The following ARHGAP29 variants were observed in gnomAD, a reference collection of about 807,000 sequenced individuals.
ARHGAP29 encodes the protein rho GTPase-activating protein 29.
In ARHGAP29, 43 loss-of-function variants were observed where a neutral mutation model predicts 122.6. That is an observed-to-expected ratio of 0.35 (90% CI 0.27 to 0.45). The LOEUF (loss-of-function observed/expected upper bound fraction) is 0.45, where lower values mean the gene tolerates loss of function less well. Among genes scored for constraint, ARHGAP29 ranks in the 20% least tolerant of loss-of-function variants. The pLI, the probability that ARHGAP29 is intolerant of heterozygous loss-of-function variation, is 1.00. For missense variants in ARHGAP29, 1,303 were observed against 1,477.2 expected (o/e 0.88, Z 1.93); for synonymous variants, 506 against 497.1 (o/e 1.02, Z -0.24).
At chr1:94,254,543 CA>C (rs1160329589) in intron 1 of ARHGAP29, among the ~76,000 whole-genome samples, 2 of 152,164 alleles carry the variant, frequency 1.3e-5, no homozygotes. Flanking sequence ...TACTGCTTGG[CA>C]ATCTGACTTC....
At chr1:94,247,704 C>CACCACCACT (rs933161937) in intron 1 of ARHGAP29, among the ~76,000 whole-genome samples, 1 of 140,504 alleles carries the variant, frequency 7.1e-6, no homozygotes, top group African/African-American at 3.1e-5. Flanking sequence ...CAGCCACAGA[C>CACCACCACT]ACCACCACCA....
intron 1 of ARHGAP29, among the ~76,000 whole-genome samples, chr1:94,272,000 G>T (rs1655011059): frequency 6.6e-6 from 1 of 152,106 alleles, no homozygotes; most frequent in East Asian, 1.9e-4. Flanking sequence ...TAGACAATGG[G>T]GGCAGGGATG....
Position 94,236,530 on chromosome 1 carries a change from G to C in ARHGAP29, c.-33+885C>G, listed in dbSNP as rs545316576. ...AGAAGGGAAGGAGAGCTCAGCTCCT[G>C]CCATTAGCAGGTAATATCCTGCCCT... On this transcript the variant is annotated intron_variant, in intron 1 of 22. Transcript: ENST00000260526. Among the ~76,000 whole-genome samples the C allele has an allele frequency of 3.3e-5, 5 of 152,270 alleles. No individual in the cohort carries two copies. The South Asian group carries it at 1.0e-3, about 32-fold the overall frequency.
At position 94,202,612 on chromosome 1, in the gene ARHGAP29, C is replaced by T. The variant is rs144191284; in HGVS notation, c.1075G>A (p.Gly359Arg). Residue 359 changes from glycine (G) to arginine (R), a missense_variant, in exon 11 of 23, where the codon GGA becomes AGA. Transcript: ENST00000260526. ...AEEEHLSSSG[G>R]LAKNLNKQLE... ...TGCTTGTTGAGATTTTTTGCTAATC[C>T]GCCACTTGAAGACAGATGCTCCTCT... is the stretch of plus-strand genomic sequence containing the variant. 57 of 1,613,936 alleles carry T rather than the reference C, an allele frequency of 3.5e-5. No homozygotes were observed. Among genetic ancestry groups the T allele is most frequent in the Non-Finnish European group, 4.4e-5 (52 of 1,180,032 alleles).
chr1:94,252,306 C>T (rs1445485624), intron 1 of ARHGAP29, among the ~76,000 whole-genome samples: 1 of 152,190 alleles, frequency 6.6e-6, no homozygotes, highest in African/African-American at 2.4e-5. Flanking sequence ...TTTCTGGGCT[C>T]TGCTAGTTTA....
chr1:94,295,789 A>AATTAGAAG, the ARHGAP29 span, among the ~76,000 whole-genome samples: 90 of 151,200 alleles, frequency 6.0e-4, 3 homozygotes, highest in East Asian at 3.5e-3. Context: ...GGAATCTTCT[A>AATTAGAAG]ATTCCACATT....
chr1:94,282,884 C>T, the ARHGAP29 span, among the ~76,000 whole-genome samples: 5 of 152,298 alleles, frequency 3.3e-5, no homozygotes. Context: ...GACTTTAGAT[C>T]TGAGTGAATC....
At position 94,185,414 on chromosome 1, in the gene ARHGAP29, G is replaced by A. The variant is rs1159633458; in HGVS notation, c.1848C>T (p.Arg616=). 1.2e-5 allele frequency: 20 copies of A among 1,612,180 alleles called. No individual in the cohort carries two copies. Among genetic ancestry groups the A allele is most frequent in the Non-Finnish European group, 1.7e-5 (20 of 1,179,122 alleles). ...MSKAALTHKF[R]KLRSPTKCRD... Reference sequence around the variant, plus strand: ...TACATTTCGTGGGGGATCTCAATTTGCGAAACTTGTGTGTGAGAGCTGCCT... The same window carrying A: ...TACATTTCGTGGGGGATCTCAATTTACGAAACTTGTGTGTGAGAGCTGCCT... The change falls in exon 17 of 23, where the codon CGC becomes CGT. Residue 616 remains arginine (R), a synonymous_variant. Coordinates refer to ENST00000260526, the MANE Select transcript of ARHGAP29 (RefSeq NM_004815.4).
intron 1 of ARHGAP29, among the ~76,000 whole-genome samples, chr1:94,258,375 T>C (rs922601008): frequency 2.0e-5 from 3 of 152,246 alleles, no homozygotes; most frequent in Non-Finnish European, 4.4e-5. Flanking sequence ...AATTTTTTAA[T>C]GTGGACAATA....
In ARHGAP29 at chr1:94,171,520, G is replaced by T. The variant is rs113152536; in HGVS notation, c.*2349C>A. ...GCTGTTGCCCTTTCCTTTTGGTCAC[G>T]TATCTTTCCATGTTGCAAAAAACAA... On this transcript the variant is annotated 3_prime_UTR_variant, in exon 23 of 23. Coordinates refer to ENST00000260526, the MANE Select transcript of ARHGAP29 (RefSeq NM_004815.4). Among the ~76,000 whole-genome samples the T allele has an allele frequency of 2.0e-5, 3 of 152,112 alleles. No individual in the cohort carries two copies. Among genetic ancestry groups the T allele is most frequent in the Non-Finnish European group, 4.4e-5 (3 of 68,026 alleles).
In ARHGAP29 at chr1:94,172,687, TA is replaced by T. The variant is rs1648819533; in HGVS notation, c.*1181del. Reference sequence around the variant, plus strand: ...ATTTAGTAGAAATATAATTCACACATAAAAACAGTCTACTTATTTTTTGTCC... The same window carrying T: ...ATTTAGTAGAAATATAATTCACACATAAAACAGTCTACTTATTTTTTGTCC... On this transcript the variant is annotated 3_prime_UTR_variant, in exon 23 of 23. Transcript: ENST00000260526. The T allele has an allele frequency of 6.6e-6, 1 of 151,820 alleles. No individual in the cohort carries two copies. The highest frequency in any genetic ancestry group is 2.4e-5 in the African/African-American group (1 of 41,286). 9.4% of individuals were successfully genotyped at this position (151,820 alleles called of 1,614,324 possible). A position where few individuals can be genotyped will look rare whatever the true frequency, so the allele number is the denominator to read the frequency against.
At chr1:94,215,719 T>C (rs1007095638) in intron 3 of ARHGAP29, among the ~76,000 whole-genome samples, 7 of 152,144 alleles carry the variant, frequency 4.6e-5, no homozygotes, top group African/African-American at 2.4e-5. Flanking sequence ...CCTTTCCTAA[T>C]ACTCAAAACC....
the ARHGAP29 span, among the ~76,000 whole-genome samples, chr1:94,306,798 C>A: frequency 6.6e-6 from 1 of 152,052 alleles, no homozygotes; most frequent in Admixed American, 6.5e-5. Flanking sequence ...TATCCACACT[C>A]AAAAAATAGG....
chr1:94,251,170 CA>C (rs1654067812), intron 1 of ARHGAP29, among the ~76,000 whole-genome samples: 1 of 149,502 alleles, frequency 6.7e-6, no homozygotes. Flanking sequence ...TTATCATACC[CA>C]TTTTTTTTTT....
intron 20 of ARHGAP29, 35 bp downstream of exon 20, chr1:94,179,683 AATTGCCC>A: frequency 7.8e-7 from 1 of 1,286,708 alleles, no homozygotes; most frequent in Non-Finnish European, 1.1e-6. Context: ...AAAACAAATC[AATTGCCC>A]ATTAATAAAT....
At chr1:94,250,408 G>C (rs1409803643) in intron 1 of ARHGAP29, 1 of 152,222 alleles carries the variant, frequency 6.6e-6, no homozygotes, top group Non-Finnish European at 1.5e-5. Context: ...AATAATGCCT[G>C]GGAGAGGGGA....
intron 4 of ARHGAP29, 91 bp downstream of exon 4, chr1:94,209,163 C>T (rs1651414180): frequency 2.0e-6 from 2 of 994,426 alleles, no homozygotes; most frequent in African/African-American, 1.6e-5. Context: ...CCATTTAATA[C>T]TTCGTTTCCC....
intron 12 of ARHGAP29, among the ~76,000 whole-genome samples, chr1:94,198,895 A>G (rs1284058329): frequency 6.6e-6 from 1 of 152,238 alleles, no homozygotes; most frequent in Non-Finnish European, 1.5e-5. Flanking sequence ...ACAATTCTAT[A>G]AAAGAATAAA....
intron 1 of ARHGAP29, among the ~76,000 whole-genome samples, chr1:94,264,986 C>T (rs1420589969): frequency 6.6e-6 from 1 of 152,144 alleles, no homozygotes; most frequent in East Asian, 1.9e-4. Context: ...TGCCCTGGCC[C>T]GTATGTTACA....
Sources: gnomAD v4.1 joint callset for allele counts (sites outside exome capture counted in the v4.1 genomes callset) on GRCh38, gnomAD v4.1.1 for gene constraint, MANE v1.5 for transcripts, NCBI Gene and HGNC (gene_info 2026-07-23, HGNC 2026-07-21) for gene names.